PTPRK: variants seen among roughly 807,000 people sequenced by gnomAD.
PTPRK encodes the protein receptor-type tyrosine-protein phosphatase kappa.
In PTPRK, 75 loss-of-function variants were observed where a neutral mutation model predicts 178.0. That is an observed-to-expected ratio of 0.42 (90% CI 0.35 to 0.51). The LOEUF (loss-of-function observed/expected upper bound fraction) is 0.51. Ranked by LOEUF, PTPRK falls within the 20% of genes least tolerant of loss-of-function variation. PTPRK has a pLI of 0.02. For missense variants in PTPRK, 1,441 were observed against 1,797.8 expected (o/e 0.80, Z 3.59); for synonymous variants, 637 against 620.6 (o/e 1.03, Z -0.39).
At chr6:128,488,609 C>T (rs1187393681) in intron 1 of PTPRK, among the ~76,000 whole-genome samples, 3 of 152,154 alleles carry the variant, frequency 2.0e-5, no homozygotes, top group African/African-American at 7.2e-5. Context: ...AAGGGTTCCA[C>T]CTCACCTTTC....
At chr6:128,097,649 A>C (rs2115045265) in intron 7 of PTPRK, among the ~76,000 whole-genome samples, 1 of 152,310 alleles carries the variant, frequency 6.6e-6, no homozygotes, top group South Asian at 2.1e-4. Context: ...CTGTTGAAAA[A>C]TATGTAACTA....
chr6:128,406,219 C>A (rs12204039), intron 1 of PTPRK, among the ~76,000 whole-genome samples: 1,536 of 152,012 alleles, frequency 0.01, 10 homozygotes, highest in Non-Finnish European at 0.016. Flanking sequence ...TACCACTGCA[C>A]TCCAGCCTGG....
At chr6:128,428,231 C>T (rs1274133481) in intron 1 of PTPRK, among the ~76,000 whole-genome samples, 2 of 152,180 alleles carry the variant, frequency 1.3e-5, no homozygotes, top group Non-Finnish European at 2.9e-5. Context: ...AGCGATAAGA[C>T]CGAGTCCATT....
At chr6:128,008,096 G>T in intron 14 of PTPRK, 1 of 1,335,412 alleles carries the variant, frequency 7.5e-7, no homozygotes, top group African/African-American at 1.5e-5. Flanking sequence ...ATCTCCAGGG[G>T]ATAATCGTAA....
intron 10 of PTPRK, among the ~76,000 whole-genome samples, chr6:128,081,179 A>G (rs942445759): frequency 2.6e-5 from 4 of 152,090 alleles, no homozygotes; most frequent in Admixed American, 2.6e-4. Flanking sequence ...ATCTCAGTGC[A>G]TCGTAACATC....
chr6:128,145,140 T>C (rs1241196233), intron 7 of PTPRK, among the ~76,000 whole-genome samples: 1 of 152,116 alleles, frequency 6.6e-6, no homozygotes, highest in Non-Finnish European at 1.5e-5. Context: ...CCTAATGAAA[T>C]GAAGGCATAA....
At chr6:128,407,452 C>G (rs893004112) in intron 1 of PTPRK, among the ~76,000 whole-genome samples, 2 of 151,754 alleles carry the variant, frequency 1.3e-5, no homozygotes, top group African/African-American at 2.4e-5. Flanking sequence ...GCCTGGGCAA[C>G]AAAGCGAGAT....
intron 1 of PTPRK, among the ~76,000 whole-genome samples, chr6:128,489,436 G>A (rs935617266): frequency 2.0e-5 from 3 of 152,126 alleles, no homozygotes; most frequent in Non-Finnish European, 4.4e-5. Context: ...CTTGATCCAT[G>A]AGCTGGAACA....
At chr6:128,266,473 G>A (rs1349990055) in intron 3 of PTPRK, among the ~76,000 whole-genome samples, 1 of 152,032 alleles carries the variant, frequency 6.6e-6, no homozygotes, top group Non-Finnish European at 1.5e-5. Context: ...ATAAGTTTAC[G>A]TGCAATTTGC....
chr6:127,976,258 T>C (rs1302926664), intron 27 of PTPRK, among the ~76,000 whole-genome samples: 2 of 151,592 alleles, frequency 1.3e-5, no homozygotes, highest in African/African-American at 4.9e-5. Flanking sequence ...TGCAGTACAG[T>C]TTCTCTGTCA....
Position 128,067,738 on chromosome 6 carries a change from G to A in PTPRK, c.1938C>T (p.Ala646=), listed in dbSNP as rs149750638. Residue 646 remains alanine, a synonymous_variant, in exon 12 of 30, where the codon GCC becomes GCT. Coordinates refer to ENST00000368226, the MANE Select transcript of PTPRK (RefSeq NM_002844.4). ...ELHPHRTKRE[A]GAMECYQVPV... is the part of the protein sequence containing the mutation. ...GAACCTGGTAGCATTCCATGGCTCCGGCTTCTCTCTTGGTTCGGTGTGGGT... is the reference window on the plus strand; with the variant it reads ...GAACCTGGTAGCATTCCATGGCTCCAGCTTCTCTCTTGGTTCGGTGTGGGT... 816 of 1,613,112 alleles carry A rather than the reference G, an allele frequency of 5.1e-4. No homozygotes were observed. Among genetic ancestry groups the A allele is most frequent in the Non-Finnish European group, 6.2e-4 (731 of 1,179,402 alleles).
chr6:128,033,689 T>C (rs558390938), intron 13 of PTPRK, among the ~76,000 whole-genome samples: 70 of 152,184 alleles, frequency 4.6e-4, no homozygotes, highest in African/African-American at 1.6e-3. Flanking sequence ...CTGGGCTACG[T>C]AGAGAGATCT....
At chr6:128,357,278 T>C (rs1413973401) in intron 2 of PTPRK, among the ~76,000 whole-genome samples, 2 of 152,242 alleles carry the variant, frequency 1.3e-5, no homozygotes, top group Non-Finnish European at 1.5e-5. Flanking sequence ...TCGGTAGGTA[T>C]ATCTCAGTAA....
intron 3 of PTPRK, among the ~76,000 whole-genome samples, chr6:128,284,341 G>A (rs1010782995): frequency 6.6e-6 from 1 of 152,078 alleles, no homozygotes; most frequent in South Asian, 2.1e-4. Context: ...TCCATGCTCA[G>A]CACCCTGGCC....
At chr6:128,471,871 G>A (rs978768576) in intron 1 of PTPRK, among the ~76,000 whole-genome samples, 2 of 151,916 alleles carry the variant, frequency 1.3e-5, no homozygotes, top group Non-Finnish European at 2.9e-5. Flanking sequence ...TACTTTAATT[G>A]AGCTAATGTA....
intron 5 of PTPRK, chr6:128,230,759 G>A (rs980393054): frequency 6.6e-6 from 1 of 152,114 alleles, no homozygotes; most frequent in Non-Finnish European, 1.5e-5. Flanking sequence ...GGGCAGCTCT[G>A]CAAACAGGAG....
chr6:127,972,074 T>G (rs1773983937), intron 29 of PTPRK, among the ~76,000 whole-genome samples: 1 of 151,992 alleles, frequency 6.6e-6, no homozygotes, highest in African/African-American at 2.4e-5. Flanking sequence ...AGGGTGGAAG[T>G]CTGGTACCGC....
rs1165902241 is a variant in PTPRK, at chr6:127,969,769, G to A, written c.*458C>T. ...TATTTATATAGAGATCTGCTACACT[G>A]GAAACATATAAAAAACGAACTTTAC... On this transcript the variant is annotated 3_prime_UTR_variant, in exon 30 of 30. Transcript: ENST00000368226. The A allele has an allele frequency of 2.0e-5, 3 of 151,932 alleles. No individual in the cohort carries two copies. Among genetic ancestry groups the A allele is most frequent in the Non-Finnish European group, 4.4e-5 (3 of 68,028 alleles). The allele number at this position is 151,932 out of a possible 1,614,324, so 9.4% of individuals were successfully genotyped here.
chr6:128,132,800 T>A (rs1435661884), intron 7 of PTPRK, among the ~76,000 whole-genome samples: 1 of 152,230 alleles, frequency 6.6e-6, no homozygotes, highest in Non-Finnish European at 1.5e-5. Flanking sequence ...CTAATGGATA[T>A]GACAAACCAT....
Sources: gnomAD v4.1 joint callset for allele counts (sites outside exome capture counted in the v4.1 genomes callset) on GRCh38, gnomAD v4.1.1 for gene constraint, MANE v1.5 for transcripts, NCBI Gene and HGNC (gene_info 2026-07-23, HGNC 2026-07-21) for gene names.